The following SLC25A48 variants were observed in gnomAD, a reference collection of about 807,000 sequenced individuals.
SLC25A48 encodes the protein solute carrier family 25 member 48.
Under a neutral mutation model 32.2 loss-of-function variants are expected in SLC25A48, and 29 were observed. The observed-to-expected ratio is 0.90, with a 90% CI of 0.67 to 1.23. The LOEUF (loss-of-function observed/expected upper bound fraction) is 1.23, where lower values mean the gene tolerates loss of function less well. SLC25A48 is among the 50% of genes most tolerant of loss of function. The pLI, the probability that SLC25A48 is intolerant of heterozygous loss-of-function variation, is 0.00. For synonymous variants in SLC25A48, 164 were observed against 172.3 expected (o/e 0.95, Z 0.38); for missense variants, 399 against 422.7 (o/e 0.94, Z 0.49).
intron 4 of SLC25A48, among the ~76,000 whole-genome samples, chr5:135,814,926 C>G (rs1757679131): frequency 6.6e-6 from 1 of 152,214 alleles, no homozygotes; most frequent in South Asian, 2.1e-4. Flanking sequence ...CTGGCAGGGC[C>G]TTACTGTGAT....
chr5:135,744,619 G>A (rs1016924635), intron 3 of SLC25A48, among the ~76,000 whole-genome samples: 2 of 151,962 alleles, frequency 1.3e-5, no homozygotes, highest in African/African-American at 2.4e-5. Context: ...TTACAGGCGT[G>A]AGCCACCGCA....
At chr5:135,615,773 GA>G (rs1301613972) in intron 1 of SLC25A48, among the ~76,000 whole-genome samples, 1 of 152,218 alleles carries the variant, frequency 6.6e-6, no homozygotes, top group Non-Finnish European at 1.5e-5. Flanking sequence ...AAGACAATGG[GA>G]AAAAGTCCCT....
intron 3 of SLC25A48, among the ~76,000 whole-genome samples, chr5:135,789,218 T>TGAGTGTACACCCCCCCCCCGCTATGGG (rs1756949807): frequency 3.5e-5 from 1 of 28,650 alleles, no homozygotes; most frequent in African/African-American, 6.3e-5. Context: ...CACGATATGG[T>TGAGTGTACACCCCCCCCCCGCTATGGG]TTGTAATATT....
chr5:135,884,094 G>A (rs1412300909), intron 7 of SLC25A48, among the ~76,000 whole-genome samples: 5 of 152,128 alleles, frequency 3.3e-5, no homozygotes, highest in African/African-American at 9.7e-5. Flanking sequence ...GCCATCCCTG[G>A]CTTAAATCCC....
At chr5:135,662,567 GGA>G (rs1580765139) in intron 3 of SLC25A48, among the ~76,000 whole-genome samples, 1 of 152,104 alleles carries the variant, frequency 6.6e-6, no homozygotes, top group African/African-American at 2.4e-5. Flanking sequence ...CAGCCAATGG[GGA>G]GACCCCTGGG....
At position 135,850,474 on chromosome 5, in the gene SLC25A48, G is replaced by A. The variant is rs373533677; in HGVS notation, c.140G>A (p.Arg47His). The change falls in exon 3 of 8, where the codon CGC becomes CAC. Residue 47 changes from arginine to histidine, a missense_variant. Arg to His is a conservative substitution (Grantham distance 29). Transcript: ENST00000681962. Reference protein sequence around the residue: ...VGYGNTLSCIRVVYRRESMFG... With the variant: ...VGYGNTLSCIHVVYRRESMFG... ...TACGGAAACACCCTCAGCTGCATCCGCGTGGTGTACAGGAGGGAGAGTGTA... is the reference window on the plus strand; with the variant it reads ...TACGGAAACACCCTCAGCTGCATCCACGTGGTGTACAGGAGGGAGAGTGTA... The A allele has an allele frequency of 9.3e-6, 15 of 1,614,008 alleles. No homozygotes were observed. The Admixed American group carries it at 1.0e-4, about 11-fold the overall frequency.
At chr5:135,710,598 C>T (rs1754629427) in intron 3 of SLC25A48, among the ~76,000 whole-genome samples, 1 of 152,210 alleles carries the variant, frequency 6.6e-6, no homozygotes, top group African/African-American at 2.4e-5. Flanking sequence ...GCACAGTTTG[C>T]TCCTCTGTGC....
At chr5:135,769,908 C>T (rs924415341) in intron 3 of SLC25A48, among the ~76,000 whole-genome samples, 2 of 151,060 alleles carry the variant, frequency 1.3e-5, no homozygotes, top group Non-Finnish European at 3.0e-5. Context: ...TGTACACACC[C>T]CTGTGATATT....
chr5:135,834,844 G>T lies in SLC25A48; in HGVS notation c.-4G>T. The T allele has an allele frequency of 6.3e-7, 1 of 1,597,350 alleles. No individual in the cohort carries two copies. Among genetic ancestry groups the T allele is most frequent in the Non-Finnish European group, 8.5e-7 (1 of 1,172,654 alleles). On this transcript the variant is annotated 5_prime_UTR_variant, in exon 1 of 8. Coordinates refer to ENST00000681962, the MANE Select transcript of SLC25A48 (RefSeq NM_001349336.2). ...CTCCGGGAGGGCGAGACCGAGCGCC[G>T]GCCATGGGAAGCTTCCAGCTGGAAG...
intron 4 of SLC25A48, among the ~76,000 whole-genome samples, chr5:135,858,829 C>G (rs1760547430): frequency 6.6e-6 from 1 of 152,206 alleles, no homozygotes; most frequent in Non-Finnish European, 1.5e-5. Context: ...GTAATGGGCA[C>G]AGCTTGTGGG....
intron 4 of SLC25A48, among the ~76,000 whole-genome samples, chr5:135,857,177 G>T (rs1014311834): frequency 6.6e-6 from 1 of 152,168 alleles, no homozygotes; most frequent in Non-Finnish European, 1.5e-5. Flanking sequence ...ACAACTTTTT[G>T]TTCTATCCTC....
At chr5:135,779,428 A>G (rs1451368846) in intron 3 of SLC25A48, among the ~76,000 whole-genome samples, 5 of 151,694 alleles carry the variant, frequency 3.3e-5, no homozygotes, top group Admixed American at 6.6e-5. Context: ...ATTACTCCCA[A>G]TATCACAGGG....
chr5:135,708,906 G>T (rs748007823), intron 3 of SLC25A48, among the ~76,000 whole-genome samples: 1 of 152,160 alleles, frequency 6.6e-6, no homozygotes, highest in Non-Finnish European at 1.5e-5. Flanking sequence ...TGGCTAGATG[G>T]GCTCCCTTTC....
intron 3 of SLC25A48, among the ~76,000 whole-genome samples, chr5:135,670,938 T>C (rs1159873863): frequency 6.6e-6 from 1 of 152,196 alleles, no homozygotes; most frequent in Non-Finnish European, 1.5e-5. Context: ...GGATGATATC[T>C]CAGAAAGGGA....
intron 1 of SLC25A48, among the ~76,000 whole-genome samples, chr5:135,591,221 A>G (rs1449270403): frequency 1.3e-5 from 2 of 152,244 alleles, no homozygotes; most frequent in Non-Finnish European, 2.9e-5. Flanking sequence ...AGATATTCTC[A>G]TGCCACTCTG....
chr5:135,852,647 A>C lies in SLC25A48; in HGVS notation c.247A>C (p.Thr83Pro), dbSNP rs368468082. 6.2e-7 allele frequency: 1 copy of C among 1,613,506 alleles called. No homozygotes were observed. Among genetic ancestry groups the C allele is most frequent in the Non-Finnish European group, 8.5e-7 (1 of 1,179,710 alleles). ...CGTGGTGTTTGGGGTCTTCAGTAAC[A>C]CGCAGCGGTTCCTCAGCCAGCACCG... is the stretch of plus-strand genomic sequence containing the variant. The part of the protein sequence containing the change: ...NSVVFGVFSN[T>P]QRFLSQHRCG... Residue 83 changes from threonine (T) to proline (P), a missense_variant, in exon 4 of 8, where the codon ACG becomes CCG. Transcript: ENST00000681962.
rs894589218 is a variant in SLC25A48, at chr5:135,799,471, C to T, written c.-520-13052C>T. 6.6e-5 allele frequency among the ~76,000 whole-genome samples: 10 copies of T among 151,364 alleles called. No homozygotes were observed. The South Asian group carries it at 8.4e-4, about 13-fold the overall frequency. On this transcript the variant is annotated intron_variant, in intron 3 of 10. Coordinates refer to the SLC25A48 transcript ENST00000646290. ...CTCCCAATATTGCAGGAAGTGTATA[C>T]GTTCTCGGTGATATTGTTCCCAATA...
chr5:135,648,465 T>C (rs936993512), intron 3 of SLC25A48: 1 of 152,254 alleles, frequency 6.6e-6, no homozygotes, highest in Non-Finnish European at 1.5e-5. Context: ...TAGAACCACA[T>C]GCCCTCAGAA....
intron 1 of SLC25A48, among the ~76,000 whole-genome samples, chr5:135,622,003 G>A (rs547477776): frequency 6.6e-6 from 1 of 152,072 alleles, no homozygotes; most frequent in East Asian, 1.9e-4. Context: ...AAATATAAAA[G>A]CATGATAGAA....
Sources: allele counts gnomAD v4.1 joint callset (sites outside exome capture counted in the v4.1 genomes callset), GRCh38; gene constraint gnomAD v4.1.1; transcripts MANE v1.5; gene names NCBI Gene and HGNC (gene_info 2026-07-23, HGNC 2026-07-21).